Variants in TRIM2 observed in about 807,000 individuals in gnomAD.
The protein encoded by TRIM2 is tripartite motif-containing protein 2.
Under a neutral mutation model 75.2 loss-of-function variants are expected in TRIM2, and 20 were observed. That is an observed-to-expected ratio of 0.27 (90% CI 0.19 to 0.39). TRIM2 has a LOEUF of 0.39. Among genes scored for constraint, TRIM2 ranks in the 10% least tolerant of loss-of-function variants. TRIM2 has a pLI of 1.00. For missense variants in TRIM2, 660 were observed against 990.8 expected (o/e 0.67, Z 4.48); for synonymous variants, 373 against 388.3 (o/e 0.96, Z 0.46).
At chr4:153,270,028 A>G (rs530362299) in intron 1 of TRIM2, among the ~76,000 whole-genome samples, 3 of 152,196 alleles carry the variant, frequency 2.0e-5, no homozygotes, top group South Asian at 2.1e-4. Context: ...TCCTGGGTTC[A>G]GGTGATTCTC....
chr4:153,240,280 G>A (rs887898934), intron 1 of TRIM2, among the ~76,000 whole-genome samples: 5 of 152,128 alleles, frequency 3.3e-5, no homozygotes, highest in African/African-American at 1.2e-4. Flanking sequence ...GTTTGAAAAT[G>A]TTTTCCTTTA....
At position 153,303,125 on chromosome 4, in the gene TRIM2, C is replaced by T. The variant is rs115505958; in HGVS notation, c.1510+7089C>T. On this transcript the variant is annotated intron_variant, in intron 6 of 11. Coordinates refer to ENST00000338700, the MANE Select transcript of TRIM2 (RefSeq NM_015271.5). ...CCTAAGAACTTGGCTTTTCAACATC[C>T]ATACCTTTGACTACAAATCAGTAGA... Among the ~76,000 whole-genome samples, 1,027 of 152,240 alleles carry T rather than the reference C, an allele frequency of 6.7e-3. 12 individuals carry two copies. Among genetic ancestry groups the T allele is most frequent in the African/African-American group, 0.023 (968 of 41,532 alleles).
chr4:153,204,238 G>T (rs1468536885), upstream of TRIM2, among the ~76,000 whole-genome samples: 1 of 152,164 alleles, frequency 6.6e-6, no homozygotes, highest in Non-Finnish European at 1.5e-5. Flanking sequence ...TCCTACTGGG[G>T]GCTGTAAAGA....
chr4:153,239,164 AAC>A (rs762384699), intron 1 of TRIM2, among the ~76,000 whole-genome samples: 1 of 152,142 alleles, frequency 6.6e-6, no homozygotes, highest in Non-Finnish European at 1.5e-5. Flanking sequence ...CATCCTGGCT[AAC>A]ACAGCGAAAC....
At chr4:153,332,670 A>C (rs779957340) in intron 11 of TRIM2, among the ~76,000 whole-genome samples, 4 of 152,110 alleles carry the variant, frequency 2.6e-5, no homozygotes, top group Non-Finnish European at 5.9e-5. Flanking sequence ...AAAAACGAGC[A>C]AAAGGCATAA....
At chr4:153,250,101 T>C (rs1750484352) in intron 1 of TRIM2, among the ~76,000 whole-genome samples, 1 of 151,252 alleles carries the variant, frequency 6.6e-6, no homozygotes, top group Non-Finnish European at 1.5e-5. Context: ...CCTTGTGTTT[T>C]GCTTGTCTTT....
At chr4:153,158,332 A>G (rs1316711652) in intron 1 of TRIM2, among the ~76,000 whole-genome samples, 7 of 152,248 alleles carry the variant, frequency 4.6e-5, no homozygotes, top group African/African-American at 1.2e-4. Flanking sequence ...GGAAAGCTCA[A>G]TTATGCAATC....
chr4:153,313,175 G>A (rs1040407063), intron 6 of TRIM2, among the ~76,000 whole-genome samples: 9 of 152,150 alleles, frequency 5.9e-5, no homozygotes, highest in Non-Finnish European at 1.3e-4. Context: ...GAAACAACTC[G>A]CCATTTCACG....
Position 153,270,458 on chromosome 4 carries a change from A to G in TRIM2, c.154A>G (p.Ile52Val). 1.2e-6 allele frequency: 2 copies of G among 1,613,994 alleles called. No individual in the cohort carries two copies. Among genetic ancestry groups the G allele is most frequent in the Non-Finnish European group, 1.7e-6 (2 of 1,179,954 alleles). Residue 52 changes from isoleucine (I) to valine (V), a missense_variant, in exon 2 of 12, where the codon ATA (isoleucine) becomes GTA (valine). Ile to Val is a conservative substitution (Grantham distance 29, BLOSUM62 3). Coordinates refer to ENST00000338700, the MANE Select transcript of TRIM2 (RefSeq NM_015271.5). ...QIDKQFLICS[I>V]CLERYKNPKV... ...TGACAAGCAGTTTCTGATTTGCAGT[A>G]TATGCCTGGAACGGTACAAGAATCC...
chr4:153,173,530 C>T (rs10001881), intron 1 of TRIM2, among the ~76,000 whole-genome samples: 71,339 of 150,848 alleles, frequency 0.47, 16,999 homozygotes, highest in African/African-American at 0.53. Context: ...GGCGTGGTGG[C>T]GGGCGCCTGT....
intron 1 of TRIM2, among the ~76,000 whole-genome samples, chr4:153,208,082 G>C (rs1735964044): frequency 6.6e-6 from 1 of 152,150 alleles, no homozygotes; most frequent in African/African-American, 2.4e-5. Context: ...GATCGCTTGA[G>C]GCCAAAAGTT....
chr4:153,242,639 C>G (rs925089690), intron 1 of TRIM2, among the ~76,000 whole-genome samples: 12 of 152,136 alleles, frequency 7.9e-5, no homozygotes, highest in Admixed American at 3.3e-4. Flanking sequence ...TGTTGTATTC[C>G]CATTTGTGTC....
At position 153,338,952 on chromosome 4, in the gene TRIM2, G is replaced by GTTT. The variant is rs1561045398; in HGVS notation, c.*3986_*3987insTTT. The GTTT allele has an allele frequency of 2.4e-5, 23 of 963,456 alleles. No individual in the cohort carries two copies. In the African/African-American group the frequency reaches 4.8e-4, roughly 20 times the overall value. 59.7% of individuals were successfully genotyped at this position (963,456 alleles called of 1,614,324 possible). A position where few individuals can be genotyped will look rare whatever the true frequency, so the allele number is the denominator to read the frequency against. On this transcript the variant is annotated 3_prime_UTR_variant, in exon 12 of 12. Transcript: ENST00000338700. The stretch of plus-strand genomic sequence containing the variant: ...TCAAGCCTATGTATGAATATGAAGG[G>GTTT]GTTTTTTTTTTTTGCTTTGTTTTCT...
At chr4:153,333,142 CG>C (rs1561031910) in intron 11 of TRIM2, among the ~76,000 whole-genome samples, 1 of 152,022 alleles carries the variant, frequency 6.6e-6, no homozygotes, top group African/African-American at 2.4e-5. Context: ...GGCATTAAAA[CG>C]GAACAGACTA....
chr4:153,227,648 C>T (rs1280447042), intron 1 of TRIM2, among the ~76,000 whole-genome samples: 2 of 152,100 alleles, frequency 1.3e-5, no homozygotes, highest in Non-Finnish European at 2.9e-5. Context: ...TTAGCTTGCC[C>T]GTATGTCCTC....
At chr4:153,154,744 G>T (rs929899138) in intron 1 of TRIM2, among the ~76,000 whole-genome samples, 1 of 152,116 alleles carries the variant, frequency 6.6e-6, no homozygotes, top group Non-Finnish European at 1.5e-5. Context: ...TGTCCATATG[G>T]ACACATATGG....
chr4:153,245,606 G>A (rs1036647451), intron 1 of TRIM2, among the ~76,000 whole-genome samples: 1 of 152,228 alleles, frequency 6.6e-6, no homozygotes, highest in Non-Finnish European at 1.5e-5. Flanking sequence ...TCAAGTTTCA[G>A]TGTTTATAAA....
intron 1 of TRIM2, among the ~76,000 whole-genome samples, chr4:153,171,463 G>C (rs1466203389): frequency 6.6e-6 from 1 of 152,160 alleles, no homozygotes; most frequent in African/African-American, 2.4e-5. Context: ...GCGGGTGCCT[G>C]TAATCCCAGC....
At chr4:153,299,374 C>G (rs1477869617) in intron 6 of TRIM2, among the ~76,000 whole-genome samples, 11 of 151,394 alleles carry the variant, frequency 7.3e-5, no homozygotes, top group Admixed American at 7.2e-4. Flanking sequence ...TATATACACA[C>G]AGTGAAAGAC....
Sources: gnomAD v4.1 joint callset for allele counts (sites outside exome capture counted in the v4.1 genomes callset) on GRCh38, gnomAD v4.1.1 for gene constraint, MANE v1.5 for transcripts, NCBI Gene and HGNC (gene_info 2026-07-23, HGNC 2026-07-21) for gene names.